The following SHC4 variants were observed in gnomAD, a reference collection of about 807,000 sequenced individuals.
The protein encoded by SHC4 is SHC adaptor protein 4.
A neutral mutation model predicts 69.4 loss-of-function variants in SHC4; 41 were observed. That is an observed-to-expected ratio of 0.59 (90% CI 0.46 to 0.77). The LOEUF (loss-of-function observed/expected upper bound fraction) is 0.77, where lower values mean the gene tolerates loss of function less well. SHC4 is among the 30% of genes least tolerant of loss of function. The pLI, the probability that SHC4 is intolerant of heterozygous loss-of-function variation, is 0.00. For missense variants in SHC4, 777 were observed against 783.8 expected (o/e 0.99, Z 0.10); for synonymous variants, 318 against 299.3 (o/e 1.06, Z -0.64).
In SHC4 at chr15:48,886,189, G is replaced by A. The variant is rs113753359; in HGVS notation, c.721-1822C>T. Among the ~76,000 whole-genome samples, 86 of 152,184 alleles carry A rather than the reference G, an allele frequency of 5.7e-4. 1 individual carries two copies. Among genetic ancestry groups the A allele is most frequent in the African/African-American group, 1.9e-3 (78 of 41,502 alleles). On this transcript the variant is annotated intron_variant, in intron 3 of 11. Transcript: ENST00000332408. ...GGAGAATCGCTTGAACCTGGGAGGC[G>A]GAGGTCACAGTGAGCCAAGATTGGG...
At chr15:48,916,982 AT>A (rs1350891206) in intron 2 of SHC4, among the ~76,000 whole-genome samples, 1 of 152,184 alleles carries the variant, frequency 6.6e-6, no homozygotes, top group African/African-American at 2.4e-5. Context: ...GATGAAATAA[AT>A]GTTCCCTTTG....
chr15:48,897,635 G>GT (rs1320923945), intron 2 of SHC4, among the ~76,000 whole-genome samples: 1 of 150,378 alleles, frequency 6.6e-6, no homozygotes, highest in East Asian at 2.0e-4. Context: ...ATTTTTTCTG[G>GT]TGAATGTCAA....
intron 1 of SHC4, among the ~76,000 whole-genome samples, chr15:48,931,767 T>C (rs949258519): frequency 6.6e-6 from 1 of 152,136 alleles, no homozygotes; most frequent in African/African-American, 2.4e-5. Context: ...ATCTCCTCAG[T>C]CTTTCAACCC....
At chr15:48,911,777 G>A (rs576160663) in intron 2 of SHC4, among the ~76,000 whole-genome samples, 1 of 152,270 alleles carries the variant, frequency 6.6e-6, no homozygotes, top group South Asian at 2.1e-4. Context: ...AGCAGTCCTT[G>A]TAGTGGTGAT....
intron 1 of SHC4, among the ~76,000 whole-genome samples, chr15:48,927,689 C>T (rs182837670): frequency 2.0e-5 from 3 of 152,234 alleles, no homozygotes; most frequent in Admixed American, 1.3e-4. Context: ...GGCCTCCTTT[C>T]TACTCCTCAA....
intron 4 of SHC4, 31 bp downstream of exon 4, chr15:48,884,217 G>A (rs953960984): frequency 1.6e-5 from 25 of 1,572,454 alleles, no homozygotes; most frequent in Non-Finnish European, 2.1e-5. Flanking sequence ...AAATAGATAT[G>A]TTTATCTATA....
At chr15:48,897,784 C>CACACACACACACACACAT (rs369256772) in intron 2 of SHC4, among the ~76,000 whole-genome samples, 31 of 151,932 alleles carry the variant, frequency 2.0e-4, no homozygotes, top group Non-Finnish European at 3.2e-4. Context: ...CACACACACA[C>CACACACACACACACACAT]ATCTATAGTC....
intron 2 of SHC4, among the ~76,000 whole-genome samples, chr15:48,899,604 G>A (rs963985022): frequency 1.3e-5 from 2 of 151,384 alleles, no homozygotes; most frequent in Non-Finnish European, 1.5e-5. Context: ...AAATAACTCT[G>A]GTTCTTTTAA....
chr15:48,825,997 GATT>G lies in SHC4; in HGVS notation c.1864_1866del (p.Asn622del). On this transcript the variant is annotated inframe_deletion, in exon 12 of 12. Transcript: ENST00000332408. ...CATTTGTTGGAATGCAAAAGTGCTG[GATT>G]ATTATCTTTTCTCACTGGTTGTTTA... The G allele has an allele frequency of 2.5e-6, 4 of 1,613,676 alleles. No homozygotes were observed. The South Asian group carries it at 4.4e-5, about 18-fold the overall frequency.
intron 1 of SHC4, among the ~76,000 whole-genome samples, chr15:48,954,447 G>T (rs562993863): frequency 5.1e-4 from 78 of 152,210 alleles, no homozygotes; most frequent in Non-Finnish European, 1.0e-3. Context: ...CTGGGAATCT[G>T]CATTTTAACA....
At chr15:48,961,557 A>G (rs528470922) in intron 1 of SHC4, among the ~76,000 whole-genome samples, 4 of 152,188 alleles carry the variant, frequency 2.6e-5, no homozygotes, top group Admixed American at 2.6e-4. Context: ...CAGATCTGAC[A>G]TTTCTTCCAA....
intron 1 of SHC4, among the ~76,000 whole-genome samples, chr15:48,957,362 T>TA (rs1287060795): frequency 2.0e-5 from 3 of 152,176 alleles, no homozygotes; most frequent in Non-Finnish European, 4.4e-5. Flanking sequence ...TCAGAGCCGT[T>TA]ACTTCAATGC....
At chr15:48,945,038 C>T (rs998425678) in intron 1 of SHC4, among the ~76,000 whole-genome samples, 20 of 152,140 alleles carry the variant, frequency 1.3e-4, no homozygotes, top group Non-Finnish European at 2.5e-4. Context: ...AGGAGAGCAA[C>T]CCAGTCTTTC....
chr15:48,899,359 AG>A (rs1373973005), intron 2 of SHC4, among the ~76,000 whole-genome samples: 1 of 152,116 alleles, frequency 6.6e-6, no homozygotes, highest in Non-Finnish European at 1.5e-5. Flanking sequence ...CCCAGCTATT[AG>A]GGAGGCTGAG....
chr15:48,825,930 G>A lies in SHC4; in HGVS notation c.*41C>T. On this transcript the variant is annotated 3_prime_UTR_variant, in exon 12 of 12. Transcript: ENST00000332408. ...TTATCTTTGTGTCCTAATACAAAAT[G>A]GGGTTTCTTGAAATATCAGTGTGAT... The A allele has an allele frequency of 6.3e-7, 1 of 1,590,488 alleles. No homozygotes were observed. Among genetic ancestry groups the A allele is most frequent in the East Asian group, 2.2e-5 (1 of 44,532 alleles).
chr15:48,826,573 C>A (rs1402713057), intron 11 of SHC4, among the ~76,000 whole-genome samples: 1 of 152,152 alleles, frequency 6.6e-6, no homozygotes, highest in Admixed American at 6.5e-5. Flanking sequence ...TTCCTCATTA[C>A]CATTTTAAAG....
intron 3 of SHC4, among the ~76,000 whole-genome samples, chr15:48,885,484 C>A (rs1430452136): frequency 6.6e-6 from 1 of 152,078 alleles, no homozygotes; most frequent in Non-Finnish European, 1.5e-5. Context: ...TCTAAGAAAT[C>A]ATTTGAGAGA....
chr15:48,884,985 A>G (rs2141002935), intron 3 of SHC4, among the ~76,000 whole-genome samples: 1 of 152,372 alleles, frequency 6.6e-6, no homozygotes, highest in African/African-American at 2.4e-5. Flanking sequence ...GGAAGGGGTT[A>G]GCCCATTCCA....
chr15:48,878,042 G>A (rs1003586647), intron 4 of SHC4: 2 of 1,146,044 alleles, frequency 1.7e-6, no homozygotes, highest in Non-Finnish European at 1.2e-6. Flanking sequence ...GCGCCAAGTA[G>A]GAGGCGGTAC....
Sources: gnomAD v4.1 joint callset for allele counts (sites outside exome capture counted in the v4.1 genomes callset) on GRCh38, gnomAD v4.1.1 for gene constraint, MANE v1.5 for transcripts, NCBI Gene and HGNC (gene_info 2026-07-23, HGNC 2026-07-21) for gene names.